The following ABCA13 variants were observed in gnomAD, a reference collection of about 807,000 sequenced individuals.
The protein encoded by ABCA13 is ATP binding cassette subfamily A member 13, also known as ATP-binding cassette sub-family A member 13.
ABCA13 carries 476 observed loss-of-function variants against 478.7 expected under a neutral mutation model. The observed-to-expected ratio is 0.99, with a 90% CI of 0.92 to 1.07. ABCA13 has a LOEUF of 1.07. ABCA13 is among the 50% of genes least tolerant of loss of function. The probability of loss-of-function intolerance (pLI) is 0.00; values close to 1 mark genes in which losing one functional copy is unlikely to be tolerated. For synonymous variants in ABCA13, 2,252 were observed against 2,158.9 expected (o/e 1.04, Z -1.20); for missense variants, 6,060 against 5,910.6 (o/e 1.03, Z -0.83).
intron 35 of ABCA13, among the ~76,000 whole-genome samples, chr7:48,379,591 G>A (rs1047486573): frequency 4.0e-5 from 6 of 151,422 alleles, no homozygotes; most frequent in East Asian, 1.9e-4. Context: ...GAATAAGTTC[G>A]GATTTAAAAG....
intron 3 of ABCA13, 47 bp from the exon 4 acceptor site, chr7:48,219,307 T>C: frequency 6.4e-7 from 1 of 1,555,138 alleles, no homozygotes; most frequent in Non-Finnish European, 8.6e-7. Flanking sequence ...CCAAGGAAAC[T>C]TATTCTTGTT....
At chr7:48,383,141 G>A (rs1023389963) in intron 35 of ABCA13, among the ~76,000 whole-genome samples, 1 of 152,210 alleles carries the variant, frequency 6.6e-6, no homozygotes, top group African/African-American at 2.4e-5. Flanking sequence ...CAGGGCTGCA[G>A]GAAGGTGTCA....
At chr7:48,561,911 G>A (rs543713677) in intron 55 of ABCA13, among the ~76,000 whole-genome samples, 13 of 151,972 alleles carry the variant, frequency 8.6e-5, no homozygotes, top group Admixed American at 2.6e-4. Flanking sequence ...TTTGGATATC[G>A]CATAAGATAA....
At chr7:48,385,788 C>G (rs1040272045) in intron 35 of ABCA13, among the ~76,000 whole-genome samples, 1 of 152,186 alleles carries the variant, frequency 6.6e-6, no homozygotes, top group Non-Finnish European at 1.5e-5. Flanking sequence ...AGTGTATAAG[C>G]ATTCCTTTTT....
At chr7:48,618,370 A>C (rs1186801717) in intron 59 of ABCA13, among the ~76,000 whole-genome samples, 2 of 152,188 alleles carry the variant, frequency 1.3e-5, no homozygotes, top group African/African-American at 4.8e-5. Context: ...CTCCTAACAG[A>C]GCATTAACAC....
chr7:48,419,469 T>C (rs1033054004), intron 41 of ABCA13, among the ~76,000 whole-genome samples: 1 of 152,198 alleles, frequency 6.6e-6, no homozygotes, highest in Non-Finnish European at 1.5e-5. Context: ...TGTATAGAGT[T>C]GTAGAACCAC....
chr7:48,483,166 A>C lies in ABCA13; in HGVS notation c.13182+3A>C. 1 of 1,604,994 alleles carries C rather than the reference A, an allele frequency of 6.2e-7. No individual in the cohort carries two copies. Among genetic ancestry groups the C allele is most frequent in the Non-Finnish European group, 8.5e-7 (1 of 1,177,034 alleles). Reference sequence around the variant, plus strand: ...CAAAACCCCCAACTCTGGCAAAGGTAATCATATTTTTTTATTTTTTTCCTG... The same window carrying C: ...CAAAACCCCCAACTCTGGCAAAGGTCATCATATTTTTTTATTTTTTTCCTG... On this transcript the variant is annotated splice_donor_region_variant and intron_variant, in intron 47 of 61. Transcript: ENST00000435803.
At chr7:48,511,348 G>C (rs1831667645) in intron 51 of ABCA13, 149 bp downstream of exon 51, 5 of 681,716 alleles carry the variant, frequency 7.3e-6, no homozygotes, top group Non-Finnish European at 1.2e-5. Flanking sequence ...GAGCAAACAA[G>C]CCTGAGCAGG....
Position 48,314,231 on chromosome 7 carries a change from G to A in ABCA13, c.9682-1G>A, listed in dbSNP as rs1273245591. On this transcript the variant is annotated splice_acceptor_variant, in intron 25 of 61. Transcript: ENST00000435803. LOFTEE classifies it high-confidence loss of function. ...GCAATTTAGTTTTCTTATTTTCTCAGGTTTCACAAAATGTCCAGGCCAGAA... is the reference window on the plus strand; with the variant it reads ...GCAATTTAGTTTTCTTATTTTCTCAAGTTTCACAAAATGTCCAGGCCAGAA... 6.2e-7 allele frequency: 1 copy of A among 1,606,304 alleles called. No homozygotes were observed. Among genetic ancestry groups the A allele is most frequent in the Middle Eastern group, 1.7e-4 (1 of 6,038 alleles).
chr7:48,557,025 G>A (rs1785904305), intron 55 of ABCA13, among the ~76,000 whole-genome samples: 1 of 152,010 alleles, frequency 6.6e-6, no homozygotes, highest in African/African-American at 2.4e-5. Flanking sequence ...ATTTTAAATT[G>A]ATGACAACTT....
At chr7:48,455,363 A>G (rs1413595526) in intron 43 of ABCA13, 77 bp downstream of exon 43, 2 of 1,465,344 alleles carry the variant, frequency 1.4e-6, no homozygotes, top group Non-Finnish European at 1.8e-6. Flanking sequence ...GATACTTTTG[A>G]GAATTCTAGA....
intron 31 of ABCA13, among the ~76,000 whole-genome samples, chr7:48,360,849 A>T (rs898538560): frequency 1.3e-5 from 2 of 151,708 alleles, no homozygotes; most frequent in African/African-American, 4.9e-5. Flanking sequence ...TCCTGCCTTG[A>T]GGAAGCTTGG....
Position 48,443,411 on chromosome 7 carries a change from G to A in ABCA13, c.12566-11626G>A, listed in dbSNP as rs576677923. On this transcript the variant is annotated intron_variant, in intron 42 of 61. Coordinates refer to ENST00000435803, the MANE Select transcript of ABCA13 (RefSeq NM_152701.5). ...ATCTAGTGTAAAAGCTGGCCCCCAC[G>A]GGCACTGGCCATGGCACAGCACTCA... is the stretch of plus-strand genomic sequence containing the variant. 3.3e-5 allele frequency among the ~76,000 whole-genome samples: 5 copies of A among 152,268 alleles called. No homozygotes were observed. In the East Asian group the frequency reaches 9.7e-4, roughly 29 times the overall value.
intron 42 of ABCA13, among the ~76,000 whole-genome samples, chr7:48,449,841 T>C (rs939263482): frequency 2.0e-5 from 3 of 152,234 alleles, no homozygotes; most frequent in Non-Finnish European, 4.4e-5. Flanking sequence ...TTCTGTCCCA[T>C]AATCCATGTC....
chr7:48,552,501 A>G lies in ABCA13; in HGVS notation c.14354+24156A>G, dbSNP rs547703434. Reference sequence around the variant, plus strand: ...GACCTACAACATAGGTTGAATAGAAATGTATAGGTCTTAGTTCAGTCTTGG... The same window carrying G: ...GACCTACAACATAGGTTGAATAGAAGTGTATAGGTCTTAGTTCAGTCTTGG... On this transcript the variant is annotated intron_variant, in intron 55 of 61. Coordinates refer to ENST00000435803, the MANE Select transcript of ABCA13 (RefSeq NM_152701.5). 1.3e-5 allele frequency among the ~76,000 whole-genome samples: 2 copies of G among 151,730 alleles called. 1 individual carries two copies. The highest frequency in any genetic ancestry group is 4.8e-5 in the African/African-American group (2 of 41,478).
intron 15 of ABCA13, among the ~76,000 whole-genome samples, chr7:48,256,591 A>G (rs746942217): frequency 2.0e-5 from 3 of 152,108 alleles, no homozygotes; most frequent in Non-Finnish European, 4.4e-5. Context: ...AACTTTGTCA[A>G]AGATCGATGG....
At chr7:48,634,109 G>T (rs1794435562) in intron 59 of ABCA13, among the ~76,000 whole-genome samples, 1 of 152,154 alleles carries the variant, frequency 6.6e-6, no homozygotes, top group Non-Finnish European at 1.5e-5. Flanking sequence ...ACTTTTGAAT[G>T]ATAAACAAAC....
At position 48,412,401 on chromosome 7, in the gene ABCA13, T is replaced by A; in HGVS notation, c.12277T>A (p.Ser4093Thr). The A allele has an allele frequency of 3.1e-6, 5 of 1,613,594 alleles. No individual in the cohort carries two copies. The South Asian group carries it at 5.5e-5, about 18-fold the overall frequency. ...TCTGAAAGACATGGCTTGTGTTACATCCCTGATAAAGATCTATATTCCACA... is the reference window on the plus strand; with the variant it reads ...TCTGAAAGACATGGCTTGTGTTACAACCCTGATAAAGATCTATATTCCACA... The part of the protein sequence containing the change: ...HDLKDMACVT[S>T]LIKIYIPQAF... The change falls in exon 41 of 62, where the codon TCC (serine) becomes ACC (threonine). Residue 4093 changes from serine to threonine, a missense_variant. By Grantham distance (58) the Ser-to-Thr change is moderately conservative. Coordinates refer to ENST00000435803, the MANE Select transcript of ABCA13 (RefSeq NM_152701.5).
Position 48,338,457 on chromosome 7 carries a change from T to G in ABCA13, c.10204+2T>G. The G allele has an allele frequency of 6.3e-7, 1 of 1,584,226 alleles. No individual in the cohort carries two copies. Among genetic ancestry groups the G allele is most frequent in the African/African-American group, 1.3e-5 (1 of 74,300 alleles). Reference sequence around the variant, plus strand: ...TTACTGAAAAACTCCAGACATACGGTAAGTGTGCTGATGGGCATGGTAGTG... The same window carrying G: ...TTACTGAAAAACTCCAGACATACGGGAAGTGTGCTGATGGGCATGGTAGTG... On this transcript the variant is annotated splice_donor_variant, in intron 29 of 61. Transcript: ENST00000435803. LOFTEE classifies it high-confidence loss of function.
Sources: gnomAD v4.1 joint callset for allele counts (sites outside exome capture counted in the v4.1 genomes callset) on GRCh38, gnomAD v4.1.1 for gene constraint, MANE v1.5 for transcripts, NCBI Gene and HGNC (gene_info 2026-07-23, HGNC 2026-07-21) for gene names.